BANF2: variants seen among roughly 807,000 people sequenced by gnomAD.
BANF2 encodes barrier-to-autointegration factor-like protein.
In BANF2, 4 loss-of-function variants were observed where a neutral mutation model predicts 8.0. The ratio of observed to expected loss-of-function variants is 0.50; its 90% CI spans 0.25 to 1.14. The LOEUF (loss-of-function observed/expected upper bound fraction) is 1.14. BANF2 is among the 50% of genes most tolerant of loss of function. The pLI, the probability that BANF2 is intolerant of heterozygous loss-of-function variation, is 0.16. For missense variants in BANF2, 96 were observed against 107.5 expected (o/e 0.89, Z 0.47); for synonymous variants, 50 against 40.6 (o/e 1.23, Z -0.88).
chr20:17,728,741 A>C (rs1165985817), intron 3 of BANF2, among the ~76,000 whole-genome samples: 1 of 152,180 alleles, frequency 6.6e-6, no homozygotes, highest in African/African-American at 2.4e-5. Flanking sequence ...CATATGTGAT[A>C]GCCTTCTTCT....
intron 1 of BANF2, among the ~76,000 whole-genome samples, chr20:17,711,323 A>C (rs1056835896): frequency 6.6e-6 from 1 of 152,238 alleles, no homozygotes; most frequent in Admixed American, 6.5e-5. Flanking sequence ...GACATTGTTT[A>C]ACTGCACAGT....
In BANF2 at chr20:17,708,276, G is replaced by A. The variant is rs373011818; in HGVS notation, c.-167+8221G>A. Among the ~76,000 whole-genome samples the A allele has an allele frequency of 2.8e-4, 43 of 152,036 alleles. No homozygotes were observed. In the South Asian group the frequency reaches 7.3e-3, roughly 26 times the overall value. The stretch of plus-strand genomic sequence containing the variant: ...AACCTGAGATCCCTGATCCACAAAA[G>A]CCTGAAATATGATGTCAAATTGTAT... On this transcript the variant is annotated intron_variant, in intron 1 of 3. Transcript: ENST00000246090.
intron 3 of BANF2, among the ~76,000 whole-genome samples, chr20:17,732,719 A>G (rs1252004643): frequency 6.6e-6 from 1 of 152,144 alleles, no homozygotes; most frequent in Non-Finnish European, 1.5e-5. Context: ...GGCCACGGCC[A>G]CTGTCCAGAG....
chr20:17,697,054 T>G (rs2037352024), upstream of BANF2, among the ~76,000 whole-genome samples: 2 of 152,116 alleles, frequency 1.3e-5, no homozygotes, highest in Non-Finnish European at 2.9e-5. Flanking sequence ...AGAGTTGGAT[T>G]AATCCTACCA....
At chr20:17,707,382 C>CAAAAAAAAAA (rs374719840) in intron 1 of BANF2, among the ~76,000 whole-genome samples, 25 of 142,368 alleles carry the variant, frequency 1.8e-4, no homozygotes, top group South Asian at 2.2e-4. Flanking sequence ...GACTCTGTGT[C>CAAAAAAAAAA]AAAAAAAAGA....
chr20:17,696,661 G>C (rs1459754563), upstream of BANF2, among the ~76,000 whole-genome samples: 1 of 152,160 alleles, frequency 6.6e-6, no homozygotes, highest in African/African-American at 2.4e-5. Context: ...GGGTAATGCT[G>C]AAAATATTGA....
chr20:17,694,593 T>TCTC (rs2037326967), intron 1 of BANF2, among the ~76,000 whole-genome samples: 1 of 92,146 alleles, frequency 1.1e-5, no homozygotes, highest in Non-Finnish European at 2.1e-5. Context: ...TTTTTGTTTT[T>TCTC]TCTCTCTCTT....
In BANF2 at chr20:17,732,513, T is replaced by A. The variant is rs1908910996; in HGVS notation, c.127-3152T>A. Reference sequence around the variant, plus strand: ...CTGGGATTACACGCGGCTGCCACCATACCAGGCTAATTTTTGTATTTTTAG... The same window carrying A: ...CTGGGATTACACGCGGCTGCCACCAAACCAGGCTAATTTTTGTATTTTTAG... On this transcript the variant is annotated intron_variant, in intron 3 of 3. Coordinates refer to ENST00000246090, the MANE Select transcript of BANF2 (RefSeq NM_178477.5). Among the ~76,000 whole-genome samples, 3 of 152,144 alleles carry A rather than the reference T, an allele frequency of 2.0e-5. No individual in the cohort carries two copies. The South Asian group carries it at 6.2e-4, about 32-fold the overall frequency.
At chr20:17,711,169 T>G (rs1461455988) in intron 1 of BANF2, among the ~76,000 whole-genome samples, 1 of 152,194 alleles carries the variant, frequency 6.6e-6, no homozygotes, top group Non-Finnish European at 1.5e-5. Flanking sequence ...ACAAACCTCC[T>G]GGGAGGTCTG....
intron 3 of BANF2, among the ~76,000 whole-genome samples, chr20:17,732,663 C>G (rs574743366): frequency 1.1e-3 from 160 of 152,262 alleles, no homozygotes; most frequent in Non-Finnish European, 1.9e-3. Flanking sequence ...GCCGAGCCCC[C>G]CCTCTTACAG....
At chr20:17,733,757 C>T (rs116365473) in intron 3 of BANF2, among the ~76,000 whole-genome samples, 1 of 152,170 alleles carries the variant, frequency 6.6e-6, no homozygotes, top group African/African-American at 2.4e-5. Context: ...ACCACAAAAT[C>T]CTGGCTTTTT....
At chr20:17,733,919 T>C (rs2037938753) in intron 3 of BANF2, among the ~76,000 whole-genome samples, 1 of 152,216 alleles carries the variant, frequency 6.6e-6, no homozygotes, top group African/African-American at 2.4e-5. Context: ...TTATTTTACA[T>C]AACTAAAAGT....
chr20:17,700,803 C>A (rs13045798), intron 1 of BANF2, among the ~76,000 whole-genome samples: 1 of 152,128 alleles, frequency 6.6e-6, no homozygotes, highest in Non-Finnish European at 1.5e-5. Flanking sequence ...CTATAACAAA[C>A]AGTAGGGACC....
At chr20:17,731,585 GC>G (rs1441439205) in intron 3 of BANF2, 1 of 151,816 alleles carries the variant, frequency 6.6e-6, no homozygotes, top group African/African-American at 2.4e-5. Context: ...AAATGAAAAT[GC>G]AAGACCTCTA....
At chr20:17,709,808 G>T (rs1046445998) in intron 1 of BANF2, among the ~76,000 whole-genome samples, 4 of 152,256 alleles carry the variant, frequency 2.6e-5, no homozygotes, top group African/African-American at 9.6e-5. Context: ...GGGCAGGTGG[G>T]TGGATGAAAT....
intron 1 of BANF2, chr20:17,712,128 T>C (rs1481230825): frequency 1.3e-5 from 2 of 152,538 alleles, no homozygotes; most frequent in African/African-American, 4.8e-5. Context: ...CTCCTTGCCA[T>C]GGAGGGGTGA....
At chr20:17,713,692 G>A (rs868535310) in intron 1 of BANF2, among the ~76,000 whole-genome samples, 3 of 151,890 alleles carry the variant, frequency 2.0e-5, no homozygotes, top group Non-Finnish European at 2.9e-5. Flanking sequence ...AAAATTACCC[G>A]GGTGTGGTGG....
chr20:17,710,915 T>G (rs1344246666), intron 1 of BANF2, among the ~76,000 whole-genome samples: 4 of 144,142 alleles, frequency 2.8e-5, no homozygotes, highest in Non-Finnish European at 4.5e-5. Flanking sequence ...TTCTGCTGAG[T>G]CAGACTGTGT....
At chr20:17,697,374 C>T (rs2122557528), upstream of BANF2, among the ~76,000 whole-genome samples, 1 of 152,292 alleles carries the variant, frequency 6.6e-6, no homozygotes, top group South Asian at 2.1e-4. Context: ...CAGGCCTCCC[C>T]CTGAGCATAT....
Sources: allele counts gnomAD v4.1 joint callset (sites outside exome capture counted in the v4.1 genomes callset), GRCh38; gene constraint gnomAD v4.1.1; transcripts MANE v1.5; gene names NCBI Gene and HGNC (gene_info 2026-07-23, HGNC 2026-07-21).